GLRA2: variants seen among roughly 807,000 people sequenced by gnomAD.
GLRA2 encodes the protein glycine receptor alpha 2, also known as glycine receptor subunit alpha-2.
In GLRA2, 11 loss-of-function variants were observed where a neutral mutation model predicts 31.6. The observed-to-expected ratio is 0.35, with a 90% CI of 0.22 to 0.58. The LOEUF is 0.58. Among genes scored for constraint, GLRA2 ranks in the 20% least tolerant of loss-of-function variants. The probability of loss-of-function intolerance (pLI) is 0.84; values close to 1 mark genes in which losing one functional copy is unlikely to be tolerated. For synonymous variants in GLRA2, 132 were observed against 134.0 expected, an observed-to-expected ratio of 0.99 and a Z score of 0.10; for missense variants, 212 against 351.8, an observed-to-expected ratio of 0.60 and a Z score of 3.18.
At chrX:14,715,203 T>C (rs1943771361) in intron 8 of GLRA2, among the ~76,000 whole-genome samples, 2 of 112,237 alleles carry the variant, frequency 1.8e-5, no homozygotes, top group African/African-American at 6.5e-5. Flanking sequence ...CTCACGAGCT[T>C]AATACTTGGC....
chrX:14,690,687 G>T (rs2091337404), intron 7 of GLRA2, 23 bp from the exon 8 acceptor site: 1 of 1,026,285 alleles, frequency 9.7e-7, no homozygotes, highest in East Asian at 3.0e-5. Flanking sequence ...CTGTGTGTGT[G>T]TGTGTCTCTC....
chrX:14,458,045 C>T, the GLRA2 span, among the ~76,000 whole-genome samples: 3 of 109,599 alleles, frequency 2.7e-5, no homozygotes, highest in Admixed American at 9.7e-5. Flanking sequence ...CAACAGGCCC[C>T]GGTGTGTGAT....
At chrX:14,472,760 T>A in the GLRA2 span, among the ~76,000 whole-genome samples, 1 of 111,738 alleles carries the variant, frequency 8.9e-6, no homozygotes, top group Admixed American at 9.5e-5. Flanking sequence ...TCACAGAGAT[T>A]CAGATGAGGA....
intron 8 of GLRA2, among the ~76,000 whole-genome samples, chrX:14,727,575 C>A (rs1263757533): frequency 8.9e-6 from 1 of 112,093 alleles, no homozygotes; most frequent in African/African-American, 3.2e-5. Context: ...CTGAGTAAGT[C>A]TTCAGATAGT....
At chrX:14,507,841 G>A in the GLRA2 span, among the ~76,000 whole-genome samples, 1 of 106,763 alleles carries the variant, frequency 9.4e-6, no homozygotes, top group Non-Finnish European at 1.9e-5. Context: ...TTATAGGCAC[G>A]TGCCACCACA....
chrX:14,730,313 C>G lies in GLRA2; in HGVS notation c.1187C>G (p.Pro396Arg). The change falls in exon 9 of 9, where the codon CCA (proline) becomes CGA (arginine). Residue 396 changes from proline (P) to arginine (R), a missense_variant. By Grantham distance (103) the Pro-to-Arg change is moderately radical. Coordinates refer to ENST00000218075, the MANE Select transcript of GLRA2 (RefSeq NM_002063.4). The part of the protein sequence containing the change: ...GTAVKATPAN[P>R]LPQPPKDGDA... ...GCTGTCAAGGCCACACCTGCCAACC[C>G]ACTCCCACAACCGCCAAAAGATGGA... is the stretch of plus-strand genomic sequence containing the variant. 8.3e-7 allele frequency: 1 copy of G among 1,210,556 alleles called. No individual in the cohort carries two copies. The highest frequency in any genetic ancestry group is 1.1e-6 in the Non-Finnish European group (1 of 894,666).
intron 7 of GLRA2, among the ~76,000 whole-genome samples, chrX:14,681,612 C>G (rs759169835): frequency 1.8e-5 from 2 of 109,615 alleles, no homozygotes; most frequent in Non-Finnish European, 3.8e-5. Context: ...TATAACTGGC[C>G]GGGCACAGTG....
At chrX:14,717,567 ATCTT>A (rs930410651) in intron 8 of GLRA2, among the ~76,000 whole-genome samples, 1 of 93,949 alleles carries the variant, frequency 1.1e-5, no homozygotes, top group African/African-American at 5.2e-5. Context: ...TGTAGAGATC[ATCTT>A]TCTTTCTTAA....
At chrX:14,485,490 G>C in the GLRA2 span, among the ~76,000 whole-genome samples, 1 of 111,126 alleles carries the variant, frequency 9.0e-6, no homozygotes, top group Non-Finnish European at 1.9e-5. Flanking sequence ...ATATATTTAT[G>C]GTGTACAACA....
intron 7 of GLRA2, among the ~76,000 whole-genome samples, chrX:14,644,953 G>A (rs1054838237): frequency 3.8e-4 from 42 of 111,750 alleles, no homozygotes; most frequent in African/African-American, 1.1e-3. Context: ...GCACTTTAAC[G>A]GGTGTTGTAA....
rs1601732662 is a variant in GLRA2 at position 14,581,494 on chromosome X, A to G, written c.494+88A>G. 3 of 538,875 alleles carry G rather than the reference A, an allele frequency of 5.6e-6. No individual in the cohort carries two copies. In the East Asian group the frequency reaches 1.0e-4, roughly 19 times the overall value. 44.4% of individuals were successfully genotyped at this position (538,875 alleles called of 1,213,427 possible). ...ATTCTGCAGGGTAGGATGTATATGA[A>G]TATTTGACTTTTGTGGTTTCTTGTT... On this transcript the variant is annotated intron_variant, in intron 4 of 8. Transcript: ENST00000218075.
chrX:14,727,849 C>T (rs1281784472), intron 8 of GLRA2, among the ~76,000 whole-genome samples: 1 of 111,664 alleles, frequency 9.0e-6, no homozygotes, highest in Admixed American at 9.5e-5. Context: ...TGGCCCCTTC[C>T]ACCAGATTCT....
At chrX:14,719,209 A>G (rs1003053746) in intron 8 of GLRA2, among the ~76,000 whole-genome samples, 1 of 111,827 alleles carries the variant, frequency 8.9e-6, no homozygotes, top group African/African-American at 3.3e-5. Flanking sequence ...AATGACCTAT[A>G]AAAGACTTCA....
chrX:14,534,762 A>G (rs1207918008), intron 2 of GLRA2, among the ~76,000 whole-genome samples: 1 of 110,508 alleles, frequency 9.0e-6, no homozygotes, highest in Non-Finnish European at 1.9e-5. Flanking sequence ...AGTGCTTCCA[A>G]CTGGTTGTTG....
chrX:14,649,908 A>G, intron 7 of GLRA2, among the ~76,000 whole-genome samples: 1 of 112,241 alleles, frequency 8.9e-6, no homozygotes, highest in Non-Finnish European at 1.9e-5. Flanking sequence ...GTTGACAACT[A>G]TGAAATGATT....
chrX:14,526,277 A>T (rs755146626), upstream of GLRA2, among the ~76,000 whole-genome samples: 18 of 112,991 alleles, frequency 1.6e-4, no homozygotes, highest in Non-Finnish European at 3.4e-4. Context: ...GGAACAATGT[A>T]GGCATGGGCC....
rs190509024 is a variant in GLRA2 at position 14,573,527 on chromosome X, A to G, written c.203-806A>G. On this transcript the variant is annotated intron_variant, in intron 2 of 8. Transcript: ENST00000218075. ...ATTAGGAGAAAATTCCACAAAGGCA[A>G]TAAATATCTTCCCCAGCAAAATGTG... is the stretch of plus-strand genomic sequence containing the variant. 7.2e-5 allele frequency among the ~76,000 whole-genome samples: 8 copies of G among 111,524 alleles called. No individual in the cohort carries two copies. In the Admixed American group the frequency reaches 7.7e-4, roughly 11 times the overall value.
the GLRA2 span, among the ~76,000 whole-genome samples, chrX:14,485,955 A>C: frequency 8.9e-6 from 1 of 111,837 alleles, no homozygotes; most frequent in East Asian, 2.8e-4. Context: ...AGGATGTGGA[A>C]CATTCTGAGT....
the GLRA2 span, among the ~76,000 whole-genome samples, chrX:14,477,680 A>T: frequency 1.8e-5 from 2 of 111,445 alleles, no homozygotes; most frequent in African/African-American, 3.3e-5. Flanking sequence ...GGCTATATTT[A>T]TTATCACTAA....
Sources: allele counts gnomAD v4.1 joint callset (sites outside exome capture counted in the v4.1 genomes callset), GRCh38; gene constraint gnomAD v4.1.1; transcripts MANE v1.5; gene names NCBI Gene and HGNC (gene_info 2026-07-23, HGNC 2026-07-21).